The following SLC24A2 variants were observed in gnomAD, a reference collection of about 807,000 sequenced individuals.
The protein encoded by SLC24A2 is sodium/potassium/calcium exchanger 2.
SLC24A2 carries 36 observed loss-of-function variants against 62.0 expected under a neutral mutation model. That is an observed-to-expected ratio of 0.58 (90% CI 0.44 to 0.77). The LOEUF (loss-of-function observed/expected upper bound fraction) is 0.77. SLC24A2 is among the 30% of genes least tolerant of loss of function. The pLI, the probability that SLC24A2 is intolerant of heterozygous loss-of-function variation, is 0.00. For synonymous variants in SLC24A2, 358 were observed against 294.0 expected, an observed-to-expected ratio of 1.22 and a Z score of -2.23; for missense variants, 846 against 817.9, an observed-to-expected ratio of 1.03 and a Z score of -0.42.
At chr9:20,153,822 G>T in the SLC24A2 span, among the ~76,000 whole-genome samples, 33 of 152,078 alleles carry the variant, frequency 2.2e-4, no homozygotes, top group African/African-American at 7.2e-4. Context: ...AGGGACTTGA[G>T]TAATTTTTGT....
At chr9:19,856,156 A>T in the SLC24A2 span, among the ~76,000 whole-genome samples, 5 of 151,728 alleles carry the variant, frequency 3.3e-5, no homozygotes, top group Non-Finnish European at 5.9e-5. Flanking sequence ...TCCTCTCTAA[A>T]CTGGTTATTC....
At chr9:19,560,914 T>C (rs961121411) in intron 7 of SLC24A2, among the ~76,000 whole-genome samples, 4 of 106,412 alleles carry the variant, frequency 3.8e-5, no homozygotes, top group Non-Finnish European at 7.4e-5. Context: ...TATATATATA[T>C]ATAGAGAGAG....
At chr9:19,937,954 T>C in the SLC24A2 span, among the ~76,000 whole-genome samples, 2 of 152,130 alleles carry the variant, frequency 1.3e-5, no homozygotes, top group Admixed American at 1.3e-4. Context: ...ATATGTTTAT[T>C]AAAAATGAAA....
At chr9:20,215,472 T>C in the SLC24A2 span, among the ~76,000 whole-genome samples, 1 of 152,234 alleles carries the variant, frequency 6.6e-6, no homozygotes, top group South Asian at 2.1e-4. Context: ...TAATAATTTT[T>C]AATAGAAAAA....
chr9:19,921,212 C>T, the SLC24A2 span, among the ~76,000 whole-genome samples: 5 of 151,870 alleles, frequency 3.3e-5, no homozygotes, highest in Non-Finnish European at 7.4e-5. Context: ...TATAGTTTTA[C>T]TATCTTCACT....
chr9:19,578,126 T>G (rs2132855598), intron 5 of SLC24A2, among the ~76,000 whole-genome samples: 1 of 151,642 alleles, frequency 6.6e-6, no homozygotes, highest in East Asian at 1.9e-4. Context: ...GGACTACAAA[T>G]ATGGTGCAGT....
the SLC24A2 span, among the ~76,000 whole-genome samples, chr9:20,280,286 G>C: frequency 6.6e-6 from 1 of 152,246 alleles, no homozygotes; most frequent in Admixed American, 6.5e-5. Context: ...CCTATCTTCA[G>C]GCAAGGTACC....
At chr9:19,842,670 C>G in the SLC24A2 span, among the ~76,000 whole-genome samples, 1 of 152,200 alleles carries the variant, frequency 6.6e-6, no homozygotes, top group Non-Finnish European at 1.5e-5. Flanking sequence ...AATGGTTCCA[C>G]TAAACTGAAA....
At chr9:20,115,781 A>G in the SLC24A2 span, among the ~76,000 whole-genome samples, 2 of 152,242 alleles carry the variant, frequency 1.3e-5, no homozygotes, top group African/African-American at 4.8e-5. Flanking sequence ...CACTCAATAA[A>G]TGGACTATCC....
the SLC24A2 span, among the ~76,000 whole-genome samples, chr9:20,097,792 G>C: frequency 8.7e-5 from 11 of 127,004 alleles, no homozygotes; most frequent in Non-Finnish European, 1.6e-4. Flanking sequence ...ACCCAGGCTG[G>C]AGTGCAGTGG....
chr9:19,830,406 G>T, the SLC24A2 span, among the ~76,000 whole-genome samples: 1 of 152,130 alleles, frequency 6.6e-6, no homozygotes, highest in South Asian at 2.1e-4. Context: ...GCATTAATTT[G>T]TTAGATTCTC....
At chr9:19,627,871 G>T (rs1226616168) in intron 2 of SLC24A2, among the ~76,000 whole-genome samples, 1 of 152,100 alleles carries the variant, frequency 6.6e-6, no homozygotes, top group African/African-American at 2.4e-5. Flanking sequence ...GGCAACCATT[G>T]TAAAAACATG....
intron 8 of SLC24A2, among the ~76,000 whole-genome samples, chr9:19,536,367 A>T: frequency 1.0e-5 from 1 of 97,516 alleles, no homozygotes. Context: ...CGACCCCACC[A>T]CAGTCTCCAG....
chr9:20,127,527 T>A, the SLC24A2 span, among the ~76,000 whole-genome samples: 97 of 152,244 alleles, frequency 6.4e-4, 1 homozygote, highest in Middle Eastern at 3.4e-3. Context: ...CTGGGTTTAA[T>A]CCCCAGTTTC....
the SLC24A2 span, among the ~76,000 whole-genome samples, chr9:20,201,495 A>T: frequency 6.6e-6 from 1 of 152,184 alleles, no homozygotes; most frequent in African/African-American, 2.4e-5. Context: ...ACAATTTGAG[A>T]TAGAGAAGGG....
In SLC24A2 at chr9:19,720,601, A is replaced by G. The variant is rs189423765; in HGVS notation, c.930+65336T>C. Among the ~76,000 whole-genome samples the G allele has an allele frequency of 7.9e-5, 12 of 152,228 alleles. No individual in the cohort carries two copies. In the East Asian group the frequency reaches 2.3e-3, roughly 29 times the overall value. ...AAGCTGTAGCTGTCCATGGTGCTTA[A>G]GAATTTTCCTCAATGCTGGAGTCTT... is the stretch of plus-strand genomic sequence containing the variant. On this transcript the variant is annotated intron_variant, in intron 2 of 10. Transcript: ENST00000341998.
chr9:19,542,583 A>C (rs1834330150), intron 8 of SLC24A2, among the ~76,000 whole-genome samples: 1 of 152,212 alleles, frequency 6.6e-6, no homozygotes, highest in Non-Finnish European at 1.5e-5. Context: ...GGTTTGCCAT[A>C]AACAGCTCTT....
chr9:20,208,688 G>C, the SLC24A2 span, among the ~76,000 whole-genome samples: 1 of 152,190 alleles, frequency 6.6e-6, no homozygotes. Flanking sequence ...AAATAGCCCA[G>C]CTATGGTTGT....
At chr9:19,532,323 C>G (rs1162387624) in intron 8 of SLC24A2, among the ~76,000 whole-genome samples, 2 of 152,038 alleles carry the variant, frequency 1.3e-5, no homozygotes, top group African/African-American at 4.8e-5. Flanking sequence ...CTCGAACTCC[C>G]AACCTCAGAT....
Sources: allele counts gnomAD v4.1 joint callset (sites outside exome capture counted in the v4.1 genomes callset), GRCh38; gene constraint gnomAD v4.1.1; transcripts MANE v1.5; gene names NCBI Gene and HGNC (gene_info 2026-07-23, HGNC 2026-07-21).